The following SP6 variants were observed in gnomAD, a reference collection of about 807,000 sequenced individuals.
SP6 encodes the protein Sp6 transcription factor.
Under a neutral mutation model 23.4 loss-of-function variants are expected in SP6, and 10 were observed. That is an observed-to-expected ratio of 0.43 (90% confidence interval 0.26 to 0.72). The LOEUF (loss-of-function observed/expected upper bound fraction) is 0.72, where lower values mean the gene tolerates loss of function less well. Ranked by LOEUF, SP6 falls within the 30% of genes least tolerant of loss-of-function variation. SP6 has a pLI of 0.23. For synonymous variants in SP6, 238 were observed against 238.7 expected (o/e 1.00, Z 0.03); for missense variants, 482 against 523.8 (o/e 0.92, Z 0.78).
rs1486499684 is a variant in SP6 at position 47,848,089 on chromosome 17, C to G, written c.341G>C (p.Gly114Ala). ...GTCCCACCACGAGCCATCCTCCGCG[C>G]CTGGGTGAGTCGGCCTGAACCACGA... The part of the protein sequence containing the change: ...YESWFRPTHP[G>A]AEDGSWWDLH... Residue 114 changes from glycine to alanine, a missense_variant, in exon 2 of 2, where the codon GGC becomes GCC. Physicochemically the swap from Gly to Ala is moderately conservative, Grantham distance 60 (BLOSUM62 0). Coordinates refer to ENST00000536300, the MANE Select transcript of SP6 (RefSeq NM_001258248.2). The surrounding 1 kb of genome is among the most constrained non-coding windows in gnomAD (Gnocchi z 5.3). The G allele has an allele frequency of 6.2e-7, 1 of 1,613,566 alleles. No individual in the cohort carries two copies. The highest frequency in any genetic ancestry group is 2.2e-5 in the East Asian group (1 of 44,880).
chr17:47,847,801 G>A lies in SP6; in HGVS notation c.629C>T (p.Ala210Val), dbSNP rs1178918094. Residue 210 changes from alanine to valine, a missense_variant, in exon 2 of 2, where the codon GCG (alanine) becomes GTG (valine). Transcript: ENST00000536300. ...CGACCGCCGGGAGCCTTTGGGACGC[G>A]CCGCCCCGTCCAGGCTGGAATCCAG... ...QGLDSSLDGAARPKGSRRSVP... is the reference protein window; with the variant it reads ...QGLDSSLDGAVRPKGSRRSVP... The A allele has an allele frequency of 2.0e-6, 3 of 1,536,522 alleles. No homozygotes were observed. The highest frequency in any genetic ancestry group is 2.6e-6 in the Non-Finnish European group (3 of 1,145,240).
chr17:47,858,165 CG>C (rs2034012080), upstream of SP6, among the ~76,000 whole-genome samples: 1 of 152,026 alleles, frequency 6.6e-6, no homozygotes, highest in Admixed American at 6.5e-5. Flanking sequence ...TTCCTCCCTC[CG>C]GCCCCCATCC....
At position 47,848,605 on chromosome 17, in the gene SP6, A is replaced by G; in HGVS notation, c.-57-119T>C. On this transcript the variant is annotated intron_variant, in intron 1 of 1. Coordinates refer to ENST00000536300, the MANE Select transcript of SP6 (RefSeq NM_001258248.2). The surrounding 1 kb of genome is among the most constrained non-coding windows in gnomAD (Gnocchi z 5.3). Reference sequence around the variant, plus strand: ...AAGGATGCACCTCTGAACGAGGACTAGAGATGAGTTTAGAGAATTCGGGAG... The same window carrying G: ...AAGGATGCACCTCTGAACGAGGACTGGAGATGAGTTTAGAGAATTCGGGAG... 1.7e-6 allele frequency: 1 copy of G among 598,826 alleles called. No individual in the cohort carries two copies. Among genetic ancestry groups the G allele is most frequent in the Non-Finnish European group, 2.9e-6 (1 of 342,396 alleles). The allele number at this position is 598,826 out of a possible 1,614,324, so 37.1% of individuals were successfully genotyped here.
chr17:47,855,862 T>A (rs1598064251), upstream of SP6: 1 of 151,658 alleles, frequency 6.6e-6, no homozygotes, highest in South Asian at 2.1e-4. Flanking sequence ...TGGTAGGAGG[T>A]GAGATCTGAG....
In SP6 at chr17:47,847,790, C is replaced by A. The variant is rs1598058658; in HGVS notation, c.640G>T (p.Gly214Cys). Residue 214 changes from glycine (G) to cysteine (C), a missense_variant, in exon 2 of 2, where the codon GGC becomes TGC. Physicochemically the swap from Gly to Cys is radical, Grantham distance 159 (BLOSUM62 -3). This residue lies in a region of SP6 where 330 missense variants were observed against 332.3 expected (regional missense o/e 0.99). Transcript: ENST00000536300. ...CTGCGGGGCACCGACCGCCGGGAGC[C>A]TTTGGGACGCGCCGCCCCGTCCAGG... is the stretch of plus-strand genomic sequence containing the variant. ...SSLDGAARPK[G>C]SRRSVPRSSG... The A allele has an allele frequency of 6.5e-7, 1 of 1,541,840 alleles. No homozygotes were observed. Among genetic ancestry groups the A allele is most frequent in the Non-Finnish European group, 8.7e-7 (1 of 1,147,372 alleles).
the SP6 span, among the ~76,000 whole-genome samples, chr17:47,872,267 G>T: frequency 6.6e-6 from 1 of 152,186 alleles, no homozygotes; most frequent in African/African-American, 2.4e-5. Context: ...GGTCCGGGTT[G>T]GGGATGTATC....
chr17:47,865,726 C>G, the SP6 span, among the ~76,000 whole-genome samples: 2 of 152,264 alleles, frequency 1.3e-5, no homozygotes, highest in African/African-American at 2.4e-5. Context: ...AGTGAGCAAA[C>G]AGCATCCAAA....
the SP6 span, among the ~76,000 whole-genome samples, chr17:47,875,491 C>T: frequency 6.6e-6 from 1 of 152,210 alleles, no homozygotes. Flanking sequence ...CCATCTTCAC[C>T]TCAGGGAGAC....
At chr17:47,853,090 T>C (rs1467982216), upstream of SP6, among the ~76,000 whole-genome samples, 1 of 152,212 alleles carries the variant, frequency 6.6e-6, no homozygotes, top group Non-Finnish European at 1.5e-5. Flanking sequence ...CTCAGTTTCT[T>C]CCTTGGTGAA....
At chr17:47,864,077 C>T in the SP6 span, among the ~76,000 whole-genome samples, 1 of 145,592 alleles carries the variant, frequency 6.9e-6, no homozygotes, top group Non-Finnish European at 1.5e-5. Context: ...CTCCTGACCT[C>T]AGGTGATCCA....
At chr17:47,873,281 T>C in the SP6 span, among the ~76,000 whole-genome samples, 2 of 152,150 alleles carry the variant, frequency 1.3e-5, no homozygotes, top group Non-Finnish European at 2.9e-5. Context: ...AACTAAGTCC[T>C]ACAATACCTT....
chr17:47,874,038 T>G, the SP6 span, among the ~76,000 whole-genome samples: 4 of 149,742 alleles, frequency 2.7e-5, no homozygotes, highest in Admixed American at 2.7e-4. Context: ...CTCCTTCCTC[T>G]TCCTCTTCTT....
the SP6 span, among the ~76,000 whole-genome samples, chr17:47,872,117 G>A: frequency 2.7e-5 from 4 of 150,074 alleles, no homozygotes; most frequent in African/African-American, 9.8e-5. Flanking sequence ...CTATCATGGG[G>A]TGTTTTCTCC....
chr17:47,847,093 C>T lies in SP6; in HGVS notation c.*206G>A. The T allele has an allele frequency of 1.7e-6, 1 of 602,338 alleles. No individual in the cohort carries two copies. The allele number at this position is 602,338 out of a possible 1,614,324, so 37.3% of individuals were successfully genotyped here. On this transcript the variant is annotated 3_prime_UTR_variant, in exon 2 of 2. Transcript: ENST00000536300. ...ACAGAGGGGCATTGCGCAGCTCCTACCGACCCAGTCAAATTCATCCTGCCT... is the reference window on the plus strand; with the variant it reads ...ACAGAGGGGCATTGCGCAGCTCCTATCGACCCAGTCAAATTCATCCTGCCT...
chr17:47,863,630 G>A, the SP6 span, among the ~76,000 whole-genome samples: 7 of 147,722 alleles, frequency 4.7e-5, no homozygotes, highest in African/African-American at 1.5e-4. Context: ...GTGCAATGGC[G>A]CCATCTCCGC....
chr17:47,858,410 C>A (rs1428130183), upstream of SP6, among the ~76,000 whole-genome samples: 1 of 152,150 alleles, frequency 6.6e-6, no homozygotes, highest in African/African-American at 2.4e-5. Context: ...TCTCAATATA[C>A]CTGCTCCAAA....
upstream of SP6, among the ~76,000 whole-genome samples, chr17:47,856,978 C>T (rs2034002537): frequency 6.6e-6 from 1 of 151,986 alleles, no homozygotes; most frequent in African/African-American, 2.4e-5. Flanking sequence ...CAGCAATTAT[C>T]CCATAAAGGC....
Position 47,848,180 on chromosome 17 carries a change from C to T in SP6, c.250G>A (p.Asp84Asn). The T allele has an allele frequency of 6.2e-7, 1 of 1,613,236 alleles. No individual in the cohort carries two copies. The highest frequency in any genetic ancestry group is 8.5e-7 in the Non-Finnish European group (1 of 1,179,980). Reference protein sequence around the residue: ...SRVTCEDLESDSPLAPGPFSK... With the variant: ...SRVTCEDLESNSPLAPGPFSK... ...AAGGGGCCCGGGGCCAAGGGACTGT[C>T]GCTTTCCAGGTCCTCGCAGGTTACC... Residue 84 changes from aspartate (D) to asparagine (N), a missense_variant, in exon 2 of 2, where the codon GAC becomes AAC. Coordinates refer to ENST00000536300, the MANE Select transcript of SP6 (RefSeq NM_001258248.2). This position sits in a 1 kb window ranked among gnomAD's most constrained non-coding sequence, Gnocchi z 5.3.
the SP6 span, among the ~76,000 whole-genome samples, chr17:47,875,347 C>T: frequency 6.6e-6 from 1 of 152,188 alleles, no homozygotes; most frequent in Non-Finnish European, 1.5e-5. Flanking sequence ...CCCAAGGCCT[C>T]CTGGGGCTTG....
Sources: allele counts gnomAD v4.1 joint callset (sites outside exome capture counted in the v4.1 genomes callset), GRCh38; gene constraint gnomAD v4.1.1; regional missense constraint gnomAD v4.1.1; non-coding constraint Gnocchi (gnomAD v3.1); transcripts MANE v1.5; gene names NCBI Gene and HGNC (gene_info 2026-07-23, HGNC 2026-07-21).